The following TDP1 variants were observed in gnomAD, a reference collection of about 807,000 sequenced individuals.
The protein encoded by TDP1 is tyrosyl-DNA phosphodiesterase 1, also known as tyr-DNA phosphodiesterase 1.
In TDP1, 64 loss-of-function variants were observed where a neutral mutation model predicts 81.5. That is an observed-to-expected ratio of 0.79 (90% CI 0.64 to 0.97). TDP1 has a LOEUF of 0.97. Ranked by LOEUF, TDP1 falls within the 50% of genes least tolerant of loss-of-function variation. The pLI is 0.00. For missense variants in TDP1, 723 were observed against 743.8 expected (o/e 0.97, Z 0.33); for synonymous variants, 256 against 264.3 (o/e 0.97, Z 0.30).
At position 89,967,362 on chromosome 14, in the gene TDP1, T is replaced by C. The variant is rs1019586201; in HGVS notation, c.604-5T>C. On this transcript the variant is annotated splice_polypyrimidine_tract_variant and splice_region_variant and intron_variant, in intron 4 of 16. Coordinates refer to ENST00000335725, the MANE Select transcript of TDP1 (RefSeq NM_018319.4). Reference sequence around the variant, plus strand: ...GCTTAGTTACTCTTCTTTTCTCCCATCTAGTTTAACTACTGCTTTGACGTG... The same window carrying C: ...GCTTAGTTACTCTTCTTTTCTCCCACCTAGTTTAACTACTGCTTTGACGTG... 1 of 1,613,816 alleles carries C rather than the reference T, an allele frequency of 6.2e-7. No individual in the cohort carries two copies. The highest frequency in any genetic ancestry group is 1.3e-5 in the African/African-American group (1 of 74,936).
intron 8 of TDP1, among the ~76,000 whole-genome samples, chr14:89,981,281 C>T (rs1405206154): frequency 3.3e-5 from 5 of 152,264 alleles, no homozygotes; most frequent in South Asian, 2.1e-4. Flanking sequence ...GAACTGAATA[C>T]GAAAGCTTTT....
At chr14:89,975,424 C>A (rs1460902405) in intron 6 of TDP1, 1 of 985,170 alleles carries the variant, frequency 1.0e-6, no homozygotes, top group African/African-American at 1.7e-5. Flanking sequence ...CCATTAATTT[C>A]TGTATAAGCC....
At chr14:89,970,541 T>C (rs1893499546) in intron 5 of TDP1, among the ~76,000 whole-genome samples, 1 of 151,952 alleles carries the variant, frequency 6.6e-6, no homozygotes, top group African/African-American at 2.4e-5. Flanking sequence ...TTTAATTTAT[T>C]TGGACTTAAA....
intron 14 of TDP1, among the ~76,000 whole-genome samples, chr14:89,996,490 G>A (rs141409805): frequency 1.4e-4 from 22 of 152,268 alleles, no homozygotes; most frequent in Non-Finnish European, 2.8e-4. Context: ...TCCGCCTGGA[G>A]CCTCTTTCAG....
chr14:89,975,426 G>A, intron 6 of TDP1: 1 of 985,222 alleles, frequency 1.0e-6, no homozygotes, highest in Non-Finnish European at 1.2e-6. Context: ...ATTAATTTCT[G>A]TATAAGCCAA....
intron 16 of TDP1, among the ~76,000 whole-genome samples, chr14:90,034,990 A>G (rs950213061): frequency 6.7e-6 from 1 of 149,028 alleles, no homozygotes; most frequent in African/African-American, 2.5e-5. Context: ...CTGTCCCGCT[A>G]ACCATTCTCA....
intron 16 of TDP1, among the ~76,000 whole-genome samples, chr14:90,037,120 G>T (rs1005578706): frequency 1.3e-5 from 2 of 152,132 alleles, no homozygotes; most frequent in African/African-American, 4.8e-5. Flanking sequence ...CCCAAAGAAG[G>T]CTTTTATAAA....
intron 11 of TDP1, 98 bp downstream of exon 11, chr14:89,989,188 T>A: frequency 7.6e-7 from 1 of 1,319,422 alleles, no homozygotes; most frequent in Non-Finnish European, 1.0e-6. Flanking sequence ...TGTTTTATTC[T>A]GTGATTCTTT....
chr14:89,964,014 T>C (rs1240168101), intron 3 of TDP1, among the ~76,000 whole-genome samples: 1 of 152,180 alleles, frequency 6.6e-6, no homozygotes, highest in African/African-American at 2.4e-5. Flanking sequence ...CCATGGGCCC[T>C]GGACCAGCAG....
At chr14:90,022,176 G>T (rs1240065297) in intron 15 of TDP1, among the ~76,000 whole-genome samples, 1 of 152,190 alleles carries the variant, frequency 6.6e-6, no homozygotes, top group African/African-American at 2.4e-5. Flanking sequence ...CATCCTTCCT[G>T]GGTGAGAGCT....
intron 5 of TDP1, among the ~76,000 whole-genome samples, chr14:89,969,304 A>C (rs35353523): frequency 0.026 from 3,886 of 152,264 alleles, 151 homozygotes; most frequent in African/African-American, 0.085. Flanking sequence ...CTTATTGCCA[A>C]ATGCATCTTG....
At chr14:89,964,330 C>T (rs930115755) in intron 3 of TDP1, among the ~76,000 whole-genome samples, 1 of 152,208 alleles carries the variant, frequency 6.6e-6, no homozygotes, top group Non-Finnish European at 1.5e-5. Context: ...AGCAGGAGCT[C>T]TAGAATCTGC....
At chr14:89,955,423 G>A (rs573561857), upstream of TDP1, 1 of 152,310 alleles carries the variant, frequency 6.6e-6, no homozygotes, top group South Asian at 2.1e-4. Context: ...AACGTGGGGC[G>A]AGTTCCTTTT....
chr14:90,039,816 A>C lies in TDP1; in HGVS notation c.1754-3254A>C, dbSNP rs1389261295. ...TTGTGTACTAGGAACTCATATGAGC[A>C]CTTGACATGAATTAATTCATTGTAT... is the stretch of plus-strand genomic sequence containing the variant. On this transcript the variant is annotated intron_variant, in intron 16 of 16. Transcript: ENST00000335725. 3.3e-5 allele frequency among the ~76,000 whole-genome samples: 5 copies of C among 152,192 alleles called. 1 individual carries two copies. The highest frequency in any genetic ancestry group is 3.3e-4 in the Admixed American group (5 of 15,278).
chr14:90,034,464 T>C (rs1347484117), intron 16 of TDP1, among the ~76,000 whole-genome samples: 1 of 152,200 alleles, frequency 6.6e-6, no homozygotes, highest in Non-Finnish European at 1.5e-5. Context: ...GGTTCAGTTG[T>C]GCTCAGAGGA....
intron 14 of TDP1, among the ~76,000 whole-genome samples, chr14:90,015,044 T>TTCATGTGAGCATGGGTGTCTC (rs1282857976): frequency 6.6e-6 from 1 of 152,236 alleles, no homozygotes; most frequent in African/African-American, 2.4e-5. Context: ...AACACTCTAG[T>TTCATGTGAGCATGGGTGTCTC]TCATGTGAGC....
chr14:89,975,452 CAT>C (rs1894175203), intron 6 of TDP1: 1 of 984,786 alleles, frequency 1.0e-6, no homozygotes, highest in African/African-American at 1.7e-5. Flanking sequence ...TAAAACTTTG[CAT>C]AGAGACTCAC....
chr14:89,988,127 G>A (rs1182536321), intron 10 of TDP1, among the ~76,000 whole-genome samples: 3 of 152,220 alleles, frequency 2.0e-5, no homozygotes, highest in African/African-American at 7.2e-5. Context: ...GATGCATAGA[G>A]CAAGGTATAG....
Position 89,988,970 on chromosome 14 carries a change from A to G in TDP1, c.1197A>G (p.Ser399=). 1 of 1,614,210 alleles carries G rather than the reference A, an allele frequency of 6.2e-7. No individual in the cohort carries two copies. Residue 399 remains serine (S), a synonymous_variant, in exon 11 of 17, where the codon TCA becomes TCG. Transcript: ENST00000335725. The part of the protein sequence containing the change: ...AESWPVVGQF[S]SVGSLGADES... ...CCTGGCCTGTCGTAGGTCAGTTTTCAAGCGTTGGCTCCTTGGGAGCCGATG... is the reference window on the plus strand; with the variant it reads ...CCTGGCCTGTCGTAGGTCAGTTTTCGAGCGTTGGCTCCTTGGGAGCCGATG...
Sources: gnomAD v4.1 joint callset for allele counts (sites outside exome capture counted in the v4.1 genomes callset) on GRCh38, gnomAD v4.1.1 for gene constraint, MANE v1.5 for transcripts, NCBI Gene and HGNC (gene_info 2026-07-23, HGNC 2026-07-21) for gene names.